Variants in USP43 observed in about 807,000 individuals in gnomAD.
The protein encoded by USP43 is ubiquitin specific peptidase 43, also known as ubiquitin carboxyl-terminal hydrolase 43.
USP43 carries 33 observed loss-of-function variants against 90.7 expected under a neutral mutation model. That is an observed-to-expected ratio of 0.36 (90% CI 0.28 to 0.49). The LOEUF is 0.49. Among genes scored for constraint, USP43 ranks in the 20% least tolerant of loss-of-function variants. USP43 has a pLI of 0.98. For missense variants in USP43, 1,274 were observed against 1,476.4 expected, an observed-to-expected ratio of 0.86 and a Z score of 2.25; for synonymous variants, 598 against 615.8, an observed-to-expected ratio of 0.97 and a Z score of 0.43.
intron 9 of USP43, among the ~76,000 whole-genome samples, chr17:9,694,691 C>T (rs1009254301): frequency 6.6e-5 from 10 of 152,052 alleles, no homozygotes; most frequent in Non-Finnish European, 1.0e-4. Flanking sequence ...GGCGCCATCT[C>T]GGCTCCCTGC....
intron 6 of USP43, among the ~76,000 whole-genome samples, chr17:9,682,034 C>T (rs1207732469): frequency 1.3e-5 from 2 of 152,152 alleles, no homozygotes; most frequent in East Asian, 3.9e-4. Flanking sequence ...ATGGTGGACA[C>T]ATCTTTTCCT....
At chr17:9,659,547 T>C (rs1423361702) in intron 2 of USP43, among the ~76,000 whole-genome samples, 1 of 152,178 alleles carries the variant, frequency 6.6e-6, no homozygotes, top group Non-Finnish European at 1.5e-5. Flanking sequence ...AGGTGGTACC[T>C]CTTTCTGCTG....
Position 9,726,589 on chromosome 17 carries a change from G to T in USP43, c.2336-1365G>T, listed in dbSNP as rs368655573. Among the ~76,000 whole-genome samples the T allele has an allele frequency of 3.9e-5, 6 of 152,256 alleles. No homozygotes were observed. The East Asian group carries it at 5.8e-4, about 15-fold the overall frequency. ...TGGGTAGCTCTTCAACCTCTTCTTA[G>T]AAGGTCACTAATCCCATTCACGAGG... On this transcript the variant is annotated intron_variant, in intron 14 of 14. Coordinates refer to ENST00000285199, the MANE Select transcript of USP43 (RefSeq NM_153210.5).
At chr17:9,683,124 A>G (rs913783943) in intron 7 of USP43, among the ~76,000 whole-genome samples, 166 bp downstream of exon 7, 3 of 152,236 alleles carry the variant, frequency 2.0e-5, no homozygotes, top group Non-Finnish European at 2.9e-5. Flanking sequence ...TGCCTTAAGC[A>G]TTTGGCTAAC....
intron 13 of USP43, among the ~76,000 whole-genome samples, chr17:9,710,821 A>G (rs1916148604): frequency 6.6e-6 from 1 of 152,044 alleles, no homozygotes; most frequent in South Asian, 2.1e-4. Context: ...TATTAGCCTC[A>G]AACTTGCTTG....
chr17:9,646,534 C>G (rs895539234), intron 1 of USP43, among the ~76,000 whole-genome samples: 1 of 152,012 alleles, frequency 6.6e-6, no homozygotes, highest in African/African-American at 2.4e-5. Flanking sequence ...GGAGGTGATG[C>G]TTGCGTTGAG....
At chr17:9,666,884 A>G in intron 3 of USP43, 133 bp downstream of exon 3, 3 of 700,354 alleles carry the variant, frequency 4.3e-6, no homozygotes, top group Non-Finnish European at 7.5e-6. Context: ...TCTCTCTCCC[A>G]TTATAAATCC....
intron 4 of USP43, 134 bp downstream of exon 4, chr17:9,675,117 A>G: frequency 2.6e-6 from 2 of 756,410 alleles, no homozygotes; most frequent in Admixed American, 2.0e-5. Flanking sequence ...CCAGCCTTAT[A>G]GCTGGATGAC....
At chr17:9,699,750 G>C (rs1289541372) in intron 9 of USP43, among the ~76,000 whole-genome samples, 1 of 152,190 alleles carries the variant, frequency 6.6e-6, no homozygotes, top group Non-Finnish European at 1.5e-5. Flanking sequence ...GTTGTGGAGG[G>C]GGGCTTAAAG....
chr17:9,662,557 C>A (rs1482877681), intron 2 of USP43, among the ~76,000 whole-genome samples: 1 of 152,060 alleles, frequency 6.6e-6, no homozygotes, highest in Non-Finnish European at 1.5e-5. Context: ...CTGAATCCAT[C>A]CCTCCTTTTC....
intron 12 of USP43, among the ~76,000 whole-genome samples, chr17:9,702,173 C>T: frequency 6.6e-6 from 1 of 150,614 alleles, no homozygotes; most frequent in African/African-American, 2.4e-5. Flanking sequence ...CCAGCCTAGG[C>T]AACAAAGTGA....
chr17:9,660,691 G>T (rs529051630), intron 2 of USP43, among the ~76,000 whole-genome samples: 2 of 152,162 alleles, frequency 1.3e-5, no homozygotes, highest in Admixed American at 6.5e-5. Context: ...TCGCTCCCTG[G>T]CCTTGATCTC....
At chr17:9,688,395 G>A (rs1914727592) in intron 8 of USP43, among the ~76,000 whole-genome samples, 2 of 150,246 alleles carry the variant, frequency 1.3e-5, no homozygotes, top group South Asian at 4.2e-4. Context: ...TCTGTCACCA[G>A]GCTGGAGTGC....
At chr17:9,694,730 T>G (rs1915157449) in intron 9 of USP43, among the ~76,000 whole-genome samples, 1 of 152,088 alleles carries the variant, frequency 6.6e-6, no homozygotes, top group Non-Finnish European at 1.5e-5. Context: ...TTCGAGCGAT[T>G]TTCCTGCCTC....
chr17:9,702,297 C>T (rs1265470778), intron 12 of USP43, among the ~76,000 whole-genome samples: 1 of 152,158 alleles, frequency 6.6e-6, no homozygotes, highest in African/African-American at 2.4e-5. Context: ...CCGTGGTGAA[C>T]CATGATTGCA....
At chr17:9,715,699 CTGTGTGTGTCTCTGTGTGTGTA>C (rs1916487324) in intron 14 of USP43, among the ~76,000 whole-genome samples, 1 of 99,470 alleles carries the variant, frequency 1.0e-5, no homozygotes, top group Admixed American at 9.5e-5. Flanking sequence ...GTGTGTGTGT[CTGTGTGTGTCTCTGTGTGTGTA>C]TGTGTGTGTG....
At chr17:9,656,572 T>G (rs770839289) in intron 2 of USP43, 38 bp downstream of exon 2, 1 of 1,553,818 alleles carries the variant, frequency 6.4e-7, no homozygotes, top group Non-Finnish European at 8.7e-7. Context: ...TACTGGGTTT[T>G]CTTTTTTTCT....
intron 6 of USP43, among the ~76,000 whole-genome samples, chr17:9,681,880 C>T (rs1010297471): frequency 6.6e-6 from 1 of 152,076 alleles, no homozygotes; most frequent in African/African-American, 2.4e-5. Flanking sequence ...TTTGGCCAGC[C>T]TAGGTAGCAG....
rs1164392887 is a variant in USP43 at position 9,728,571 on chromosome 17, A to C, written c.2953A>C (p.Thr985Pro). 4 of 1,613,900 alleles carry C rather than the reference A, an allele frequency of 2.5e-6. No homozygotes were observed. The highest frequency in any genetic ancestry group is 3.4e-6 in the Non-Finnish European group (4 of 1,179,858). ...AAACAGCAAAGACAGTCGCCGAGGC[A>C]CCTCTGAGCTAGACAGACCCCTGCA... is the stretch of plus-strand genomic sequence containing the variant. Reference protein sequence around the residue: ...SGNSKDSRRGTSELDRPLQGT... With the variant: ...SGNSKDSRRGPSELDRPLQGT... Residue 985 changes from threonine (T) to proline (P), a missense_variant, in exon 15 of 15, where the codon ACC (threonine) becomes CCC (proline). This residue lies in a region of USP43 where 353 missense variants were observed against 329.7 expected (regional missense o/e 1.07). Coordinates refer to ENST00000285199, the MANE Select transcript of USP43 (RefSeq NM_153210.5). This position sits in a 1 kb window ranked among gnomAD's most constrained non-coding sequence, Gnocchi z 6.2.
Sources: gnomAD v4.1 joint callset for allele counts (sites outside exome capture counted in the v4.1 genomes callset) on GRCh38, gnomAD v4.1.1 for gene constraint, gnomAD v4.1.1 regional missense constraint, Gnocchi (gnomAD v3.1) non-coding constraint, MANE v1.5 for transcripts, NCBI Gene and HGNC (gene_info 2026-07-23, HGNC 2026-07-21) for gene names.